Variants in EML5 observed in about 807,000 individuals in gnomAD.
The protein encoded by EML5 is EMAP like 5, also known as echinoderm microtubule-associated protein-like 5.
EML5 carries 120 observed loss-of-function variants against 250.0 expected under a neutral mutation model. The ratio of observed to expected loss-of-function variants is 0.48; its 90% CI spans 0.41 to 0.56. EML5 has a LOEUF of 0.56. Among genes scored for constraint, EML5 ranks in the 20% least tolerant of loss-of-function variants. EML5 has a pLI of 0.00. For missense variants in EML5, 2,006 were observed against 2,437.6 expected (o/e 0.82, Z 3.73); for synonymous variants, 771 against 806.5 (o/e 0.96, Z 0.75).
chr14:88,722,610 TG>T lies in EML5; in HGVS notation c.1187+3930del, dbSNP rs1011603535. Among the ~76,000 whole-genome samples, 3 of 149,710 alleles carry T rather than the reference TG, an allele frequency of 2.0e-5. No homozygotes were observed. The East Asian group carries it at 6.0e-4, about 30-fold the overall frequency. On this transcript the variant is annotated intron_variant, in intron 8 of 43. Coordinates refer to ENST00000554922, the MANE Select transcript of EML5 (RefSeq NM_183387.3). ...GAGGAAAAACACACACTGAGGCCTT[TG>T]GGGGTGGGGTGAGGGGAGGGGGAGC...
At chr14:88,672,968 G>A (rs1595467993) in intron 21 of EML5, among the ~76,000 whole-genome samples, 1 of 152,086 alleles carries the variant, frequency 6.6e-6, no homozygotes, top group South Asian at 2.1e-4. Flanking sequence ...ACAAAGAGGA[G>A]CTGGTACCAT....
Position 88,682,010 on chromosome 14 carries a change from A to ACAC in EML5, c.3001_3003dup (p.Val1001dup), listed in dbSNP as rs767135253. 5.0e-6 allele frequency: 8 copies of ACAC among 1,606,826 alleles called. No individual in the cohort carries two copies. The East Asian group carries it at 1.8e-4, about 36-fold the overall frequency. On this transcript the variant is annotated inframe_insertion, in exon 21 of 44. Transcript: ENST00000554922. Reference sequence around the variant, plus strand: ...AGATAAGGGTGTGTAGCTAAACCCCACACCTCTCCTTCCATGTGTCCCTAT... The same window carrying ACAC: ...AGATAAGGGTGTGTAGCTAAACCCCACACCACCTCTCCTTCCATGTGTCCCTAT...
intron 7 of EML5, among the ~76,000 whole-genome samples, chr14:88,732,575 T>C (rs1401185592): frequency 6.6e-6 from 1 of 152,208 alleles, no homozygotes; most frequent in Non-Finnish European, 1.5e-5. Flanking sequence ...ATATGAACTT[T>C]AGTTTTTTCC....
intron 21 of EML5, among the ~76,000 whole-genome samples, chr14:88,679,628 G>A (rs1007402770): frequency 1.3e-5 from 2 of 152,062 alleles, no homozygotes; most frequent in African/African-American, 4.8e-5. Flanking sequence ...GGAGGCGGAG[G>A]ATGCACTGAG....
At chr14:88,700,440 T>C (rs1595572352) in intron 14 of EML5, among the ~76,000 whole-genome samples, 6 of 152,126 alleles carry the variant, frequency 3.9e-5, no homozygotes, top group Admixed American at 3.3e-4. Flanking sequence ...AAACAGTAGA[T>C]GGACAAACCA....
intron 3 of EML5, among the ~76,000 whole-genome samples, chr14:88,745,312 T>A (rs2093989654): frequency 6.6e-6 from 1 of 152,062 alleles, no homozygotes. Flanking sequence ...ATACAGTCAT[T>A]GGCCATGCCT....
At chr14:88,783,539 A>G (rs2094519758) in intron 1 of EML5, among the ~76,000 whole-genome samples, 1 of 152,250 alleles carries the variant, frequency 6.6e-6, no homozygotes, top group Non-Finnish European at 1.5e-5. Flanking sequence ...TACCAGAAAA[A>G]GTAGATTTGA....
At chr14:88,641,777 T>C (rs1054644739) in intron 31 of EML5, among the ~76,000 whole-genome samples, 1 of 152,156 alleles carries the variant, frequency 6.6e-6, no homozygotes, top group Non-Finnish European at 1.5e-5. Context: ...GCAGGTGGCC[T>C]AGTCTCCATC....
chr14:88,788,886 C>T (rs1253332955), intron 1 of EML5, among the ~76,000 whole-genome samples: 2 of 125,264 alleles, frequency 1.6e-5, no homozygotes, highest in African/African-American at 7.0e-5. Context: ...ATACAGAGAC[C>T]CCATCTTTAC....
At position 88,618,786 on chromosome 14, in the gene EML5, G is replaced by T; in HGVS notation, c.5402C>A (p.Ala1801Glu). The T allele has an allele frequency of 6.3e-7, 1 of 1,594,752 alleles. No individual in the cohort carries two copies. The highest frequency in any genetic ancestry group is 8.6e-7 in the Non-Finnish European group (1 of 1,169,250). The change falls in exon 40 of 44, where the codon GCA becomes GAA. Residue 1801 changes from alanine to glutamate, a missense_variant. Ala to Glu is a moderately radical substitution (Grantham distance 107, BLOSUM62 -1). Coordinates refer to ENST00000554922, the MANE Select transcript of EML5 (RefSeq NM_183387.3). Reference protein sequence around the residue: ...IRFSPDSRYLAVGSSENSVDF... With the variant: ...IRFSPDSRYLEVGSSENSVDF... ...CACTGAGTTCTCACTAGAACCTACT[G>T]CCAGATACCGGGAATCCGGACTAAA...
chr14:88,679,384 T>C (rs1164783948), intron 21 of EML5, among the ~76,000 whole-genome samples: 1 of 152,020 alleles, frequency 6.6e-6, no homozygotes, highest in East Asian at 1.9e-4. Context: ...ATAAATATTA[T>C]AGCTTGCTAT....
At chr14:88,761,764 A>G (rs1439388134) in intron 1 of EML5, among the ~76,000 whole-genome samples, 1 of 152,226 alleles carries the variant, frequency 6.6e-6, no homozygotes, top group Non-Finnish European at 1.5e-5. Flanking sequence ...TCCTTGAGGA[A>G]TCACCACACT....
At chr14:88,641,631 T>C (rs962944995) in intron 31 of EML5, among the ~76,000 whole-genome samples, 2 of 152,270 alleles carry the variant, frequency 1.3e-5, no homozygotes, top group East Asian at 1.9e-4. Context: ...ATCCCTTTCA[T>C]GTTAAAAACC....
chr14:88,673,746 G>C (rs2092527789), intron 21 of EML5, among the ~76,000 whole-genome samples: 1 of 152,126 alleles, frequency 6.6e-6, no homozygotes, highest in Non-Finnish European at 1.5e-5. Context: ...AGAAAACAGA[G>C]AGCCAAATCA....
chr14:88,655,918 T>C (rs2091850522), intron 27 of EML5, among the ~76,000 whole-genome samples: 1 of 152,210 alleles, frequency 6.6e-6, no homozygotes, highest in African/African-American at 2.4e-5. Flanking sequence ...CACAATGAGA[T>C]ACCATCTCAC....
intron 21 of EML5, among the ~76,000 whole-genome samples, chr14:88,677,061 C>T (rs999584129): frequency 2.0e-5 from 3 of 152,132 alleles, no homozygotes; most frequent in South Asian, 4.2e-4. Flanking sequence ...CACACCACCA[C>T]ACCTGGTTAA....
intron 6 of EML5, among the ~76,000 whole-genome samples, chr14:88,738,072 A>C (rs1016095835): frequency 2.0e-5 from 3 of 152,172 alleles, no homozygotes; most frequent in African/African-American, 7.2e-5. Flanking sequence ...TGTACCTCAC[A>C]ATGTTCTTGT....
At chr14:88,622,854 T>C (rs2089263470) in intron 36 of EML5, 136 bp from the exon 37 acceptor site, 2 of 532,426 alleles carry the variant, frequency 3.8e-6, no homozygotes, top group South Asian at 8.6e-5. Flanking sequence ...TCTAATATTC[T>C]TGTAAACTTT....
At chr14:88,682,220 C>T (rs2092728429) in intron 20 of EML5, among the ~76,000 whole-genome samples, 189 bp from the exon 21 acceptor site, 1 of 152,038 alleles carries the variant, frequency 6.6e-6, no homozygotes, top group African/African-American at 2.4e-5. Flanking sequence ...ACAACTTTAG[C>T]TCCACAATTA....
Sources: allele counts gnomAD v4.1 joint callset (sites outside exome capture counted in the v4.1 genomes callset), GRCh38; gene constraint gnomAD v4.1.1; transcripts MANE v1.5; gene names NCBI Gene and HGNC (gene_info 2026-07-23, HGNC 2026-07-21).